The following MYO9B variants were observed in gnomAD, a reference collection of about 807,000 sequenced individuals.
The protein encoded by MYO9B is unconventional myosin-IXb.
Under a neutral mutation model 229.5 loss-of-function variants are expected in MYO9B, and 71 were observed. The ratio of observed to expected loss-of-function variants is 0.31; its 90% CI spans 0.26 to 0.38. The LOEUF is 0.38. Among genes scored for constraint, MYO9B ranks in the 10% least tolerant of loss-of-function variants. MYO9B has a pLI of 1.00. For missense variants in MYO9B, 2,255 were observed against 2,920.5 expected (o/e 0.77, Z 5.25); for synonymous variants, 1,185 against 1,235.8 (o/e 0.96, Z 0.86).
intron 3 of MYO9B, among the ~76,000 whole-genome samples, chr19:17,146,773 A>G (rs2072416374): frequency 6.6e-6 from 1 of 152,118 alleles, no homozygotes; most frequent in African/African-American, 2.4e-5. Context: ...GTGGATGAGT[A>G]CTTAGATGGC....
rs371176779 is a variant in MYO9B at position 17,211,764 on chromosome 19, G to A, written c.6048G>A (p.Gly2016=). The change falls in exon 39 of 40, where the codon GGG becomes GGA. Residue 2016 remains glycine, a synonymous_variant. Transcript: ENST00000682292. ...ESLLEERAGR[G]ASEGPPAPAL... is the part of the protein sequence containing the mutation. ...TGCTGGAGGAGCGGGCCGGGCGGGG[G>A]GCCTCGGAAGGTCAGTATTAAGGTA... The A allele has an allele frequency of 2.5e-6, 4 of 1,612,988 alleles. No individual in the cohort carries two copies. The highest frequency in any genetic ancestry group is 2.5e-6 in the Non-Finnish European group (3 of 1,179,684).
chr19:17,127,277 T>A (rs914388489), intron 2 of MYO9B, among the ~76,000 whole-genome samples: 1 of 147,958 alleles, frequency 6.8e-6, no homozygotes, highest in Non-Finnish European at 1.5e-5. Context: ...GTGCTGGAAT[T>A]ACAGGCATGA....
At chr19:17,154,644 A>C (rs1280616295) in intron 6 of MYO9B, among the ~76,000 whole-genome samples, 2 of 152,166 alleles carry the variant, frequency 1.3e-5, no homozygotes, top group Non-Finnish European at 2.9e-5. Context: ...CATACTTAAC[A>C]CTGCTGAATT....
At chr19:17,199,077 C>G (rs1363016849) in intron 24 of MYO9B, among the ~76,000 whole-genome samples, 1 of 152,102 alleles carries the variant, frequency 6.6e-6, no homozygotes, top group South Asian at 2.1e-4. Context: ...GCGGTGCATG[C>G]CTGTAGTCCC....
chr19:17,203,838 C>T (rs2073133338), intron 30 of MYO9B, among the ~76,000 whole-genome samples: 1 of 152,102 alleles, frequency 6.6e-6, no homozygotes, highest in African/African-American at 2.4e-5. Context: ...CGCTGCTCCA[C>T]CGCCTGAACC....
intron 2 of MYO9B, among the ~76,000 whole-genome samples, chr19:17,112,972 A>AG (rs1217273878): frequency 2.0e-5 from 3 of 152,242 alleles, no homozygotes; most frequent in African/African-American, 7.2e-5. Flanking sequence ...CACAGACCGG[A>AG]GGAGGCTCAG....
chr19:17,102,142 C>T lies in MYO9B; in HGVS notation c.425C>T (p.Pro142Leu). 1.2e-6 allele frequency: 2 copies of T among 1,613,688 alleles called. No homozygotes were observed. Among genetic ancestry groups the T allele is most frequent in the Non-Finnish European group, 1.7e-6 (2 of 1,179,886 alleles). The change falls in exon 2 of 40, where the codon CCA (proline) becomes CTA (leucine). Residue 142 changes from proline (P) to leucine (L), a missense_variant. Around this residue, in one of 7 missense-constraint regions of MYO9B, gnomAD observed 386 missense variants for 515.2 expected, o/e 0.75. Transcript: ENST00000682292. ...TRRLVERGLL[P>L]RQQADFDDLC... ...CGCCTAGTGGAGCGTGGCCTCCTGC[C>T]ACGGCAGCAGGCGGACTTTGATGAC...
chr19:17,104,995 G>A lies in MYO9B; in HGVS notation c.840+2438G>A, dbSNP rs189868331. Among the ~76,000 whole-genome samples, 478 of 152,166 alleles carry A rather than the reference G, an allele frequency of 3.1e-3. 6 individuals carry two copies. The highest frequency in any genetic ancestry group is 0.011 in the African/African-American group (459 of 41,494). On this transcript the variant is annotated intron_variant, in intron 2 of 39. Transcript: ENST00000682292. ...CAAAAGTATAATGAATGTGTCTGCCGTTGGAGTGTCACAGAGTGGTGTCAC... is the reference window on the plus strand; with the variant it reads ...CAAAAGTATAATGAATGTGTCTGCCATTGGAGTGTCACAGAGTGGTGTCAC...
intron 13 of MYO9B, among the ~76,000 whole-genome samples, chr19:17,174,022 C>CTTTT (rs11313520): frequency 4.6e-5 from 3 of 64,732 alleles, no homozygotes; most frequent in African/African-American, 7.2e-5. Flanking sequence ...TGATGAGCTG[C>CTTTT]TTTTTTTTTT....
rs1042625029 is a variant in MYO9B at position 17,172,244 on chromosome 19, C to A, written c.1794-92C>A. On this transcript the variant is annotated intron_variant, in intron 11 of 39. Coordinates refer to ENST00000682292, the MANE Select transcript of MYO9B (RefSeq NM_004145.4). The surrounding 1 kb of genome is among the most constrained non-coding windows in gnomAD (Gnocchi z 8.2). ...GCTCTGCCCACCCCATGCACCCACC[C>A]ACCTCGTGCACCAGGGGTCTGCAAG... The A allele has an allele frequency of 5.3e-6, 8 of 1,516,028 alleles. No individual in the cohort carries two copies. The highest frequency in any genetic ancestry group is 1.4e-5 in the African/African-American group (1 of 73,304). 93.9% of individuals were successfully genotyped at this position (1,516,028 alleles called of 1,614,324 possible).
Position 17,115,969 on chromosome 19 carries a change from G to A in MYO9B, c.840+13412G>A, listed in dbSNP as rs555650018. On this transcript the variant is annotated intron_variant, in intron 2 of 39. Transcript: ENST00000682292. ...GCAGTTTGGGGAGTCAGGAAAGGAG[G>A]ACACAGATAGAGATGTCCCACAGGG... Among the ~76,000 whole-genome samples the A allele has an allele frequency of 3.2e-3, 486 of 152,272 alleles. 2 individuals carry two copies. The highest frequency in any genetic ancestry group is 5.1e-3 in the Non-Finnish European group (346 of 68,028).
At position 17,200,362 on chromosome 19, in the gene MYO9B, G is replaced by T. The variant is rs764874361; in HGVS notation, c.4308G>T (p.Glu1436Asp). 5.0e-6 allele frequency: 8 copies of T among 1,609,430 alleles called. No individual in the cohort carries two copies. Among genetic ancestry groups the T allele is most frequent in the Admixed American group, 1.7e-5 (1 of 59,042 alleles). The change falls in exon 25 of 40, where the codon GAG becomes GAT. Residue 1436 changes from glutamate to aspartate, a missense_variant. Physicochemically the swap from Glu to Asp is conservative, Grantham distance 45 (BLOSUM62 2). This residue lies in a region of MYO9B where 679 missense variants were observed against 770.2 expected (regional missense o/e 0.88). Coordinates refer to ENST00000682292, the MANE Select transcript of MYO9B (RefSeq NM_004145.4). ...AATACAGCCTGGAGGGCGCAGAGGA[G>T]CTGGAGAATGCAGTGTCCGGGCACG... The part of the protein sequence containing the change: ...DKKYSLEGAE[E>D]LENAVSGHVV...
At chr19:17,114,586 ATTTT>A (rs2057882320) in intron 2 of MYO9B, among the ~76,000 whole-genome samples, 1 of 152,116 alleles carries the variant, frequency 6.6e-6, no homozygotes, top group African/African-American at 2.4e-5. Flanking sequence ...GCAGTCCCTG[ATTTT>A]AGGACTTCCG....
intron 8 of MYO9B, among the ~76,000 whole-genome samples, chr19:17,159,865 A>G (rs1238386777): frequency 1.3e-5 from 2 of 152,272 alleles, no homozygotes; most frequent in Non-Finnish European, 2.9e-5. Flanking sequence ...GCAGCTAAGC[A>G]GAGCAGTTGC....
intron 2 of MYO9B, among the ~76,000 whole-genome samples, chr19:17,144,912 G>T (rs972348611): frequency 1.3e-5 from 2 of 149,130 alleles, no homozygotes; most frequent in South Asian, 4.4e-4. Flanking sequence ...AGTGCTTGCA[G>T]TGAGCTGAGA....
chr19:17,104,855 A>G (rs944678120), intron 2 of MYO9B, among the ~76,000 whole-genome samples: 1 of 152,032 alleles, frequency 6.6e-6, no homozygotes, highest in South Asian at 2.1e-4. Flanking sequence ...CATTATTTAT[A>G]TTTTGCATTC....
chr19:17,194,462 T>A (rs1429711305), intron 21 of MYO9B, 94 bp from the exon 22 acceptor site: 19 of 1,419,306 alleles, frequency 1.3e-5, no homozygotes, highest in Non-Finnish European at 1.8e-5. Flanking sequence ...AAGCCCCGTC[T>A]GCAGCCCGCA....
In MYO9B at chr19:17,102,028, G is replaced by C; in HGVS notation, c.311G>C (p.Gly104Ala). 2 of 1,612,394 alleles carry C rather than the reference G, an allele frequency of 1.2e-6. No individual in the cohort carries two copies. The highest frequency in any genetic ancestry group is 1.7e-6 in the Non-Finnish European group (2 of 1,179,886). Residue 104 changes from glycine to alanine, a missense_variant, in exon 2 of 40, where the codon GGC becomes GCC. By Grantham distance (60) the Gly-to-Ala change is moderately conservative. Around this residue, in one of 7 missense-constraint regions of MYO9B, gnomAD observed 386 missense variants for 515.2 expected, o/e 0.75. Coordinates refer to ENST00000682292, the MANE Select transcript of MYO9B (RefSeq NM_004145.4). ...RAQDEHPQED[G>A]YYFLLQERNA... is the part of the protein sequence containing the mutation. ...CAGGACGAGCACCCTCAGGAGGATG[G>C]CTACTACTTCCTGCTGCAGGAGCGC...
In MYO9B at chr19:17,205,328, G is replaced by T. The variant is rs61734357; in HGVS notation, c.5056G>T (p.Gly1686Trp). 4 of 1,613,606 alleles carry T rather than the reference G, an allele frequency of 2.5e-6. No individual in the cohort carries two copies. Among genetic ancestry groups the T allele is most frequent in the Non-Finnish European group, 3.4e-6 (4 of 1,179,644 alleles). ...KIQSHCSYTYGRKGEPGVEPG... is the reference protein window; with the variant it reads ...KIQSHCSYTYWRKGEPGVEPG... ...TCAGAGCCACTGCTCCTACACCTAC[G>T]GGAGGAAGGTGAGTGTACGAGGCCT... Residue 1686 changes from glycine to tryptophan, a missense_variant, in exon 31 of 40, where the codon GGG becomes TGG. Gly to Trp is a radical substitution (Grantham distance 184). Coordinates refer to ENST00000682292, the MANE Select transcript of MYO9B (RefSeq NM_004145.4).
Sources: gnomAD v4.1 joint callset for allele counts (sites outside exome capture counted in the v4.1 genomes callset) on GRCh38, gnomAD v4.1.1 for gene constraint, gnomAD v4.1.1 regional missense constraint, Gnocchi (gnomAD v3.1) non-coding constraint, MANE v1.5 for transcripts, NCBI Gene and HGNC (gene_info 2026-07-23, HGNC 2026-07-21) for gene names.